Variants in YIF1B observed in about 807,000 individuals in gnomAD.
YIF1B encodes the protein protein YIF1B.
A neutral mutation model predicts 34.6 loss-of-function variants in YIF1B; 24 were observed. The ratio of observed to expected loss-of-function variants is 0.69; its 90% CI spans 0.50 to 0.98. The LOEUF is 0.98. Among genes scored for constraint, YIF1B ranks in the 50% least tolerant of loss-of-function variants. The pLI is 0.00. For missense variants in YIF1B, 368 were observed against 429.4 expected (o/e 0.86, Z 1.26); for synonymous variants, 186 against 184.8 (o/e 1.01, Z -0.05).
At chr19:38,308,458 C>T (rs1270478174) in intron 5 of YIF1B, among the ~76,000 whole-genome samples, 1 of 152,048 alleles carries the variant, frequency 6.6e-6, no homozygotes, top group Non-Finnish European at 1.5e-5. Flanking sequence ...TCAGACAGGA[C>T]CATCCTGGCT....
In YIF1B at chr19:38,304,788, T is replaced by C; in HGVS notation, c.*564A>G. On this transcript the variant is annotated 3_prime_UTR_variant, in exon 8 of 8. Transcript: ENST00000339413. ...GAGGGTGCGGGGAGTGGTCCCCCTG[T>C]CTCGCTTCCAGCCCAGAACCATCTC... 6.2e-7 allele frequency: 1 copy of C among 1,612,612 alleles called. No individual in the cohort carries two copies. The highest frequency in any genetic ancestry group is 1.3e-5 in the African/African-American group (1 of 74,964).
chr19:38,318,879 G>C (rs78919442), upstream of YIF1B, among the ~76,000 whole-genome samples: 2 of 152,128 alleles, frequency 1.3e-5, no homozygotes, highest in African/African-American at 2.4e-5. Context: ...CTTACGGGGG[G>C]GCGCAGAAAG....
At chr19:38,310,951 C>T (rs1049766121) in intron 1 of YIF1B, among the ~76,000 whole-genome samples, 1 of 152,120 alleles carries the variant, frequency 6.6e-6, no homozygotes, top group South Asian at 2.1e-4. Context: ...TGCTGGCTGT[C>T]TTATTTTGTT....
At chr19:38,310,989 C>G (rs955688445) in intron 1 of YIF1B, among the ~76,000 whole-genome samples, 1 of 152,124 alleles carries the variant, frequency 6.6e-6, no homozygotes, top group Non-Finnish European at 1.5e-5. Flanking sequence ...AACTGTGAGT[C>G]CCCCAAGGTG....
intron 1 of YIF1B, among the ~76,000 whole-genome samples, chr19:38,311,556 G>A (rs1568358138): frequency 6.6e-6 from 1 of 151,954 alleles, no homozygotes; most frequent in South Asian, 2.1e-4. Flanking sequence ...CCCTAAAGAG[G>A]CTCAGGCCTT....
At position 38,304,121 on chromosome 19, in the gene YIF1B, C is replaced by G. The variant is rs1215715366; in HGVS notation, c.*1231G>C. ...TCCTGGGTGGTGCCGGGCAATGAGTCAGGGCTGAGGACCAGGACAGAGGTT... is the reference window on the plus strand; with the variant it reads ...TCCTGGGTGGTGCCGGGCAATGAGTGAGGGCTGAGGACCAGGACAGAGGTT... On this transcript the variant is annotated 3_prime_UTR_variant, in exon 8 of 8. Coordinates refer to ENST00000339413, the MANE Select transcript of YIF1B (RefSeq NM_001039672.3). 4.9e-6 allele frequency: 5 copies of G among 1,022,956 alleles called. No individual in the cohort carries two copies. Among genetic ancestry groups the G allele is most frequent in the Non-Finnish European group, 7.1e-6 (5 of 699,478 alleles). 63.4% of individuals were successfully genotyped at this position (1,022,956 alleles called of 1,614,324 possible). A position where few individuals can be genotyped will look rare whatever the true frequency, so the allele number is the denominator to read the frequency against.
Position 38,304,968 on chromosome 19 carries a change from G to A in YIF1B, c.*384C>T, listed in dbSNP as rs926809884. On this transcript the variant is annotated 3_prime_UTR_variant, in exon 8 of 8. Coordinates refer to ENST00000339413, the MANE Select transcript of YIF1B (RefSeq NM_001039672.3). Reference sequence around the variant, plus strand: ...GAAGAAGGAGGCTCCCCACTGAAGGGCCCTGGACAGGGCTCATTAAACCTT... The same window carrying A: ...GAAGAAGGAGGCTCCCCACTGAAGGACCCTGGACAGGGCTCATTAAACCTT... The A allele has an allele frequency of 3.1e-6, 5 of 1,597,072 alleles. No individual in the cohort carries two copies. The highest frequency in any genetic ancestry group is 4.3e-6 in the Non-Finnish European group (5 of 1,172,612).
At chr19:38,309,710 A>G (rs1160199915) in intron 1 of YIF1B, 67 bp from the exon 2 acceptor site, 1 of 1,530,292 alleles carries the variant, frequency 6.5e-7, no homozygotes, top group African/African-American at 1.4e-5. Flanking sequence ...GGCGAACCTC[A>G]TTCATCCCAC....
intron 1 of YIF1B, among the ~76,000 whole-genome samples, chr19:38,310,725 C>T (rs1969295186): frequency 6.6e-6 from 1 of 152,058 alleles, no homozygotes; most frequent in African/African-American, 2.4e-5. Context: ...CTGAATGCAC[C>T]AGGAAGGTGC....
At chr19:38,319,211 C>T (rs117352215), upstream of YIF1B, among the ~76,000 whole-genome samples, 5,997 of 152,166 alleles carry the variant, frequency 0.039, 149 homozygotes, top group African/African-American at 0.067. Context: ...ATCCTCCGAC[C>T]TCAGCCTCCC....
In YIF1B at chr19:38,309,292, A is replaced by C. The variant is rs756036785; in HGVS notation, c.334T>G (p.Tyr112Asp). Reference sequence around the variant, plus strand: ...ACATACATGGTGTCCACAGCAAAGTAATACTTGAGCTTGGTGATGGGGATG... The same window carrying C: ...ACATACATGGTGTCCACAGCAAAGTCATACTTGAGCTTGGTGATGGGGATG... ...RFIPITKLKY[Y>D]FAVDTMYVGR... is the part of the protein sequence containing the mutation. Residue 112 changes from tyrosine (Y) to aspartate (D), a missense_variant, in exon 3 of 8, where the codon TAC becomes GAC. Physicochemically the swap from Tyr to Asp is radical, Grantham distance 160 (BLOSUM62 -3). Coordinates refer to ENST00000339413, the MANE Select transcript of YIF1B (RefSeq NM_001039672.3). 9 of 1,613,984 alleles carry C rather than the reference A, an allele frequency of 5.6e-6. No homozygotes were observed. In the Admixed American group the frequency reaches 1.3e-4, roughly 24 times the overall value.
At position 38,304,998 on chromosome 19, in the gene YIF1B, TC is replaced by T; in HGVS notation, c.*353del. ...GGACAGGGCTCATTAAACCTTCCTC[TC>T]TGCCTTCTGCGACTGGTCAGCGTGG... On this transcript the variant is annotated 3_prime_UTR_variant, in exon 8 of 8. Coordinates refer to ENST00000339413, the MANE Select transcript of YIF1B (RefSeq NM_001039672.3). 2.6e-6 allele frequency: 4 copies of T among 1,564,686 alleles called. No individual in the cohort carries two copies. The South Asian group carries it at 3.5e-5, about 14-fold the overall frequency.
chr19:38,306,912 A>C (rs750406731), intron 7 of YIF1B: 1 of 462,352 alleles, frequency 2.2e-6, no homozygotes, highest in Non-Finnish European at 4.5e-6. Context: ...TGATCTCCTG[A>C]CCTCGTGATC....
At chr19:38,313,060 T>C (rs1457789331) in intron 1 of YIF1B, among the ~76,000 whole-genome samples, 4 of 151,958 alleles carry the variant, frequency 2.6e-5, no homozygotes, top group Non-Finnish European at 5.9e-5. Context: ...CAAGCAGTTC[T>C]CCTGCCTCAG....
rs1334217705 is a variant in YIF1B, at chr19:38,305,392, G to C, written c.905C>G (p.Pro302Arg). 6.2e-7 allele frequency: 1 copy of C among 1,609,152 alleles called. No homozygotes were observed. The highest frequency in any genetic ancestry group is 8.5e-7 in the Non-Finnish European group (1 of 1,177,528). Residue 302 changes from proline (P) to arginine (R), a missense_variant, in exon 8 of 8, where the codon CCT becomes CGT. Coordinates refer to ENST00000339413, the MANE Select transcript of YIF1B (RefSeq NM_001039672.3). ...YLTMAVAAAQ[P>R]MLMYWLTFHL... ...GAAGGTGAGCCAGTACATGAGCATA[G>C]GCTGCGCCGCCGCCACCGCCATGGT...
chr19:38,315,339 A>G, intron 1 of YIF1B: 1 of 1,067,648 alleles, frequency 9.4e-7, no homozygotes, highest in Non-Finnish European at 1.1e-6. Flanking sequence ...GGCTCCCACA[A>G]CATCTCCATC....
chr19:38,313,682 C>G (rs974022753), intron 1 of YIF1B, among the ~76,000 whole-genome samples: 1 of 152,274 alleles, frequency 6.6e-6, no homozygotes, highest in African/African-American at 2.4e-5. Context: ...TGCCAACCAC[C>G]ATGGTTTGCA....
rs143211115 is a variant in YIF1B at position 38,309,514 on chromosome 19, G to A, written c.188C>T (p.Ala63Val). 3 of 1,611,480 alleles carry A rather than the reference G, an allele frequency of 1.9e-6. No individual in the cohort carries two copies. The highest frequency in any genetic ancestry group is 2.5e-6 in the Non-Finnish European group (3 of 1,178,956). ...QRAPGGLSYP[A>V]ASPTPHAAFL... ...GGCTGCATGGGGCGTGGGAGAGGCT[G>A]CAGGATAACTCAGGCCACCAGGTGC... The change falls in exon 2 of 8, where the codon GCA becomes GTA. Residue 63 changes from alanine (A) to valine (V), a missense_variant. Coordinates refer to ENST00000339413, the MANE Select transcript of YIF1B (RefSeq NM_001039672.3).
Position 38,304,510 on chromosome 19 carries a change from G to A in YIF1B, c.*842C>T. The A allele has an allele frequency of 5.8e-6, 9 of 1,563,082 alleles. No individual in the cohort carries two copies. The highest frequency in any genetic ancestry group is 7.8e-6 in the Non-Finnish European group (9 of 1,153,878). On this transcript the variant is annotated 3_prime_UTR_variant, in exon 8 of 8. Coordinates refer to ENST00000339413, the MANE Select transcript of YIF1B (RefSeq NM_001039672.3). Reference sequence around the variant, plus strand: ...CCAAAGGTAAGTCGCCTCATCACCGGCTGCGGAGGGGCGGGAAGGCTGGGG... The same window carrying A: ...CCAAAGGTAAGTCGCCTCATCACCGACTGCGGAGGGGCGGGAAGGCTGGGG...
Sources: allele counts gnomAD v4.1 joint callset (sites outside exome capture counted in the v4.1 genomes callset), GRCh38; gene constraint gnomAD v4.1.1; transcripts MANE v1.5; gene names NCBI Gene and HGNC (gene_info 2026-07-23, HGNC 2026-07-21).